Variants in EPHA6 observed in about 807,000 individuals in gnomAD.
The protein encoded by EPHA6 is EPH receptor A6, also known as ephrin type-A receptor 6.
EPHA6 carries 50 observed loss-of-function variants against 112.0 expected under a neutral mutation model. The ratio of observed to expected loss-of-function variants is 0.45; its 90% CI spans 0.36 to 0.56. The LOEUF (loss-of-function observed/expected upper bound fraction) is 0.56, where lower values mean the gene tolerates loss of function less well. Among genes scored for constraint, EPHA6 ranks in the 20% least tolerant of loss-of-function variants. The pLI, the probability that EPHA6 is intolerant of heterozygous loss-of-function variation, is 0.00. For synonymous variants in EPHA6, 529 were observed against 490.7 expected (o/e 1.08, Z -1.03); for missense variants, 1,280 against 1,417.4 (o/e 0.90, Z 1.56).
chr3:97,565,939 C>T (rs947121955), intron 11 of EPHA6, among the ~76,000 whole-genome samples: 2 of 150,852 alleles, frequency 1.3e-5, no homozygotes, highest in African/African-American at 4.9e-5. Context: ...ATTGCTTGAA[C>T]TCGGGAGGAG....
intron 11 of EPHA6, among the ~76,000 whole-genome samples, chr3:97,589,295 T>TA (rs981765595): frequency 5.9e-5 from 9 of 151,992 alleles, no homozygotes; most frequent in East Asian, 1.9e-4. Context: ...TAAATATATA[T>TA]TTTTTAGGAT....
chr3:97,272,336 A>C (rs1331006323), intron 5 of EPHA6, among the ~76,000 whole-genome samples: 1 of 151,662 alleles, frequency 6.6e-6, no homozygotes, highest in Non-Finnish European at 1.5e-5. Context: ...GTGTGTGTAC[A>C]TACATATGCA....
intron 14 of EPHA6, among the ~76,000 whole-genome samples, chr3:97,670,656 A>G (rs942834286): frequency 6.6e-6 from 1 of 152,204 alleles, no homozygotes; most frequent in Admixed American, 6.5e-5. Flanking sequence ...GGGACAAAGC[A>G]TGGGATTCAT....
chr3:97,193,301 T>C lies in EPHA6; in HGVS notation c.1115-32963T>C, dbSNP rs1331585896. Among the ~76,000 whole-genome samples the C allele has an allele frequency of 2.6e-5, 4 of 152,136 alleles. No individual in the cohort carries two copies. In the East Asian group the frequency reaches 7.7e-4, roughly 29 times the overall value. ...GAATATCTTTTCATTTTCTGTGACCTCTTGAGTTTTTTTGCATCAACATTT... is the reference window on the plus strand; with the variant it reads ...GAATATCTTTTCATTTTCTGTGACCCCTTGAGTTTTTTTGCATCAACATTT... On this transcript the variant is annotated intron_variant, in intron 3 of 17. Coordinates refer to ENST00000389672, the MANE Select transcript of EPHA6 (RefSeq NM_001080448.3).
intron 14 of EPHA6, among the ~76,000 whole-genome samples, chr3:97,638,553 A>G (rs1320245219): frequency 1.3e-5 from 2 of 152,216 alleles, no homozygotes; most frequent in East Asian, 3.8e-4. Flanking sequence ...TTGGAGATAT[A>G]TAAGTACACT....
chr3:97,677,443 A>G (rs1043330876), intron 14 of EPHA6, among the ~76,000 whole-genome samples: 11 of 152,166 alleles, frequency 7.2e-5, no homozygotes, highest in African/African-American at 2.7e-4. Flanking sequence ...ATGTGAGGCC[A>G]GGCATGGTGG....
chr3:96,918,556 G>A (rs1204143111), intron 2 of EPHA6, among the ~76,000 whole-genome samples: 1 of 151,966 alleles, frequency 6.6e-6, no homozygotes, highest in African/African-American at 2.4e-5. Context: ...ATCAAATACA[G>A]TGCAATTTTA....
intron 14 of EPHA6, among the ~76,000 whole-genome samples, chr3:97,704,531 A>G (rs1226914780): frequency 6.6e-6 from 1 of 152,170 alleles, no homozygotes; most frequent in East Asian, 1.9e-4. Flanking sequence ...CTAGGCCTCC[A>G]TAATTATGTG....
At chr3:97,647,682 T>C (rs2094075995) in intron 14 of EPHA6, among the ~76,000 whole-genome samples, 1 of 152,160 alleles carries the variant, frequency 6.6e-6, no homozygotes, top group Non-Finnish European at 1.5e-5. Flanking sequence ...GTTCACATTG[T>C]TTCCATCTGA....
At chr3:97,380,103 A>G (rs2085640336) in intron 5 of EPHA6, among the ~76,000 whole-genome samples, 1 of 152,188 alleles carries the variant, frequency 6.6e-6, no homozygotes, top group South Asian at 2.1e-4. Context: ...AGTAGAGACG[A>G]AACTGTAATT....
chr3:97,441,549 GT>G, intron 6 of EPHA6: 1 of 461,730 alleles, frequency 2.2e-6, no homozygotes, highest in Non-Finnish European at 2.8e-6. Context: ...AAAAGTTTCT[GT>G]TTTTACTGTT....
intron 11 of EPHA6, among the ~76,000 whole-genome samples, chr3:97,555,054 A>G (rs553944411): frequency 1.3e-5 from 2 of 152,036 alleles, no homozygotes; most frequent in Non-Finnish European, 2.9e-5. Flanking sequence ...AGCATTAGGT[A>G]TATCTCCTAA....
chr3:97,326,893 C>A (rs1370554997), intron 5 of EPHA6, among the ~76,000 whole-genome samples: 1 of 152,094 alleles, frequency 6.6e-6, no homozygotes, highest in African/African-American at 2.4e-5. Flanking sequence ...AACCAATCCA[C>A]TGATGCTCCT....
intron 14 of EPHA6, among the ~76,000 whole-genome samples, chr3:97,707,051 T>C (rs1274325528): frequency 6.6e-6 from 1 of 152,144 alleles, no homozygotes; most frequent in Admixed American, 6.5e-5. Flanking sequence ...CCTTTTTAAA[T>C]TGAAAATTTA....
At chr3:97,716,574 CAAA>C (rs1218426459) in intron 14 of EPHA6, among the ~76,000 whole-genome samples, 5 of 37,262 alleles carry the variant, frequency 1.3e-4, no homozygotes, top group South Asian at 8.9e-4. Context: ...GACTCCGTCT[CAAA>C]AAAAAAAAAA....
chr3:97,469,499 T>C (rs2091159729), intron 7 of EPHA6, among the ~76,000 whole-genome samples: 1 of 151,760 alleles, frequency 6.6e-6, no homozygotes, highest in African/African-American at 2.4e-5. Context: ...TTCAACTAAA[T>C]CACATAATTG....
intron 11 of EPHA6, among the ~76,000 whole-genome samples, chr3:97,560,291 T>G (rs1163426828): frequency 2.6e-5 from 4 of 151,974 alleles, no homozygotes; most frequent in Admixed American, 2.0e-4. Flanking sequence ...ATCAGAAATA[T>G]AGTCTTAGGC....
At chr3:97,263,436 TAC>T (rs34479594) in intron 5 of EPHA6, among the ~76,000 whole-genome samples, 5,119 of 141,824 alleles carry the variant, frequency 0.036, 88 homozygotes, top group Middle Eastern at 0.047. Flanking sequence ...ATTAAAGGGA[TAC>T]ACACACACAC....
intron 2 of EPHA6, among the ~76,000 whole-genome samples, chr3:96,941,441 C>T (rs1031327592): frequency 6.6e-6 from 1 of 152,222 alleles, no homozygotes; most frequent in Admixed American, 6.5e-5. Flanking sequence ...CCTTGGCTTT[C>T]AGCTCCATCA....
Sources: allele counts gnomAD v4.1 joint callset (sites outside exome capture counted in the v4.1 genomes callset), GRCh38; gene constraint gnomAD v4.1.1; transcripts MANE v1.5; gene names NCBI Gene and HGNC (gene_info 2026-07-23, HGNC 2026-07-21).